The following PLEKHA6 variants were observed in gnomAD, a reference collection of about 807,000 sequenced individuals.
PLEKHA6 encodes the protein pleckstrin homology domain-containing family A member 6.
A neutral mutation model predicts 116.7 loss-of-function variants in PLEKHA6; 60 were observed. The observed-to-expected ratio is 0.51, with a 90% CI of 0.42 to 0.64. The LOEUF is 0.64. Ranked by LOEUF, PLEKHA6 falls within the 30% of genes least tolerant of loss-of-function variation. The pLI is 0.00. For missense variants in PLEKHA6, 1,338 were observed against 1,422.7 expected, an observed-to-expected ratio of 0.94 and a Z score of 0.96; for synonymous variants, 489 against 556.1, an observed-to-expected ratio of 0.88 and a Z score of 1.70.
intron 1 of PLEKHA6, among the ~76,000 whole-genome samples, chr1:204,300,996 A>T (rs4529785): frequency 0.41 from 62,574 of 152,122 alleles, 13,763 homozygotes; most frequent in East Asian, 0.73. Flanking sequence ...TGAACTGGCA[A>T]GAGACTCTTT....
chr1:204,265,276 G>A lies in PLEKHA6; in HGVS notation c.281-234C>T, dbSNP rs550524702. ...CTGTTCCAGACACTGGGACTACAGA[G>A]GTGAGTAAGAGAGAAGTAGTGCCTA... On this transcript the variant is annotated intron_variant, in intron 5 of 22. Coordinates refer to ENST00000272203, the MANE Select transcript of PLEKHA6 (RefSeq NM_014935.5). Among the ~76,000 whole-genome samples, 9 of 152,330 alleles carry A rather than the reference G, an allele frequency of 5.9e-5. No homozygotes were observed. The South Asian group carries it at 1.9e-3, about 32-fold the overall frequency.
rs1659516830 is a variant in PLEKHA6, at chr1:204,220,322, G to A, written c.*2466C>T. 1 of 152,262 alleles carries A rather than the reference G, an allele frequency of 6.6e-6. No individual in the cohort carries two copies. Among genetic ancestry groups the A allele is most frequent in the Non-Finnish European group, 1.5e-5 (1 of 68,044 alleles). The allele number at this position is 152,262 out of a possible 1,614,324, so 9.4% of individuals were successfully genotyped here. A position where few individuals can be genotyped will look rare whatever the true frequency, so the allele number is the denominator to read the frequency against. On this transcript the variant is annotated 3_prime_UTR_variant, in exon 23 of 23. Transcript: ENST00000272203. ...CAGAGGGTCATCAGGAGCAGACAGTGTAATAAAATCCTTAGGCCAGGACTT... is the reference window on the plus strand; with the variant it reads ...CAGAGGGTCATCAGGAGCAGACAGTATAATAAAATCCTTAGGCCAGGACTT...
chr1:204,343,523 C>T (rs1672919271), intron 1 of PLEKHA6, among the ~76,000 whole-genome samples: 1 of 152,128 alleles, frequency 6.6e-6, no homozygotes, highest in Non-Finnish European at 1.5e-5. Context: ...CCTGTATCTT[C>T]CCCACTGGGT....
chr1:204,287,854 G>A (rs940206238), intron 1 of PLEKHA6, among the ~76,000 whole-genome samples: 56 of 152,324 alleles, frequency 3.7e-4, no homozygotes, highest in African/African-American at 1.3e-3. Context: ...CCATTGTCTT[G>A]ACATCAGGAC....
At chr1:204,270,673 C>T (rs4951341) in intron 3 of PLEKHA6, among the ~76,000 whole-genome samples, 99,651 of 152,154 alleles carry the variant, frequency 0.65, 33,073 homozygotes, top group East Asian at 0.82. Flanking sequence ...TCATCACTTC[C>T]TGCTGTCCGC....
chr1:204,353,705 C>A (rs1023462286), intron 1 of PLEKHA6, among the ~76,000 whole-genome samples: 1 of 152,108 alleles, frequency 6.6e-6, no homozygotes, highest in African/African-American at 2.4e-5. Flanking sequence ...ACTATTATTC[C>A]CATTTTAGAG....
At chr1:204,346,587 G>A (rs1558194351) in intron 1 of PLEKHA6, among the ~76,000 whole-genome samples, 2 of 152,062 alleles carry the variant, frequency 1.3e-5, no homozygotes, top group South Asian at 2.1e-4. Flanking sequence ...AAGATGGCTC[G>A]GCAGGAAACA....
chr1:204,239,687 G>A (rs12031558), intron 17 of PLEKHA6, among the ~76,000 whole-genome samples: 23,652 of 152,154 alleles, frequency 0.16, 2,303 homozygotes, highest in East Asian at 0.29. Context: ...TTGATAAAAC[G>A]GTGGAATGGC....
chr1:204,271,701 G>A (rs796469369), intron 3 of PLEKHA6, among the ~76,000 whole-genome samples: 16 of 152,278 alleles, frequency 1.1e-4, no homozygotes, highest in African/African-American at 3.6e-4. Context: ...GGCAAACTGA[G>A]GCTAATCCAG....
intron 2 of PLEKHA6, among the ~76,000 whole-genome samples, chr1:204,371,224 G>A (rs960885229): frequency 2.0e-5 from 3 of 152,198 alleles, no homozygotes; most frequent in Admixed American, 6.5e-5. Context: ...GCTTCTGCCA[G>A]TTCAAGAGCC....
intron 1 of PLEKHA6, chr1:204,307,278 T>C (rs967586323): frequency 1.3e-5 from 2 of 152,212 alleles, no homozygotes; most frequent in Non-Finnish European, 2.9e-5. Context: ...TCCTCTCCAC[T>C]GAAAGTTTGG....
At chr1:204,363,263 C>T (rs1465675706), upstream of PLEKHA6, among the ~76,000 whole-genome samples, 1 of 152,228 alleles carries the variant, frequency 6.6e-6, no homozygotes, top group Non-Finnish European at 1.5e-5. Flanking sequence ...AGCCTGGAAG[C>T]ACGCGGGGCA....
Position 204,228,165 on chromosome 1 carries a change from G to T in PLEKHA6, c.2949C>A (p.Ser983Arg). 1 of 1,613,284 alleles carries T rather than the reference G, an allele frequency of 6.2e-7. No homozygotes were observed. The highest frequency in any genetic ancestry group is 8.5e-7 in the Non-Finnish European group (1 of 1,179,460). Residue 983 changes from serine (S) to arginine (R), a missense_variant, in exon 21 of 23, where the codon AGC becomes AGA. This residue lies in a region of PLEKHA6 where 1,136 missense variants were observed against 1,163.6 expected (regional missense o/e 0.98). Coordinates refer to ENST00000272203, the MANE Select transcript of PLEKHA6 (RefSeq NM_014935.5). This position sits in a 1 kb window ranked among gnomAD's most constrained non-coding sequence, Gnocchi z 4.0. The stretch of plus-strand genomic sequence containing the variant: ...TCCGCTTCTCCTGCTCCTGCAGCTG[G>T]CTCTCTGAGTCCTGGGGCACGTCCA... ...DSVDVPQDSESQLQEQEKRIE... is the reference protein window; with the variant it reads ...DSVDVPQDSERQLQEQEKRIE...
chr1:204,228,245 A>G lies in PLEKHA6; in HGVS notation c.2886-17T>C. 2.5e-6 allele frequency: 4 copies of G among 1,578,758 alleles called. No individual in the cohort carries two copies. In the South Asian group the frequency reaches 3.5e-5, roughly 14 times the overall value. On this transcript the variant is annotated splice_polypyrimidine_tract_variant and intron_variant, in intron 20 of 22. Coordinates refer to ENST00000272203, the MANE Select transcript of PLEKHA6 (RefSeq NM_014935.5). This position sits in a 1 kb window ranked among gnomAD's most constrained non-coding sequence, Gnocchi z 4.0. ...TTCTGCATACTGAAGAGGCACAGAC[A>G]CACAGAAATGGAGGGAGGGACAGGA...
At chr1:204,343,103 T>A (rs1672904822) in intron 1 of PLEKHA6, among the ~76,000 whole-genome samples, 1 of 152,182 alleles carries the variant, frequency 6.6e-6, no homozygotes, top group Non-Finnish European at 1.5e-5. Context: ...GCCTGACAGC[T>A]GTCCGTGGGA....
intron 1 of PLEKHA6, among the ~76,000 whole-genome samples, chr1:204,351,548 T>C (rs1413626787): frequency 6.6e-6 from 1 of 152,218 alleles, no homozygotes; most frequent in East Asian, 1.9e-4. Flanking sequence ...CTGTGAAATA[T>C]GGTGGTAAAA....
At chr1:204,353,494 A>G (rs2103370934) in intron 1 of PLEKHA6, among the ~76,000 whole-genome samples, 1 of 152,336 alleles carries the variant, frequency 6.6e-6, no homozygotes, top group South Asian at 2.1e-4. Context: ...CAATGGAGTC[A>G]GGAATTACTG....
chr1:204,298,469 C>T (rs935237208), intron 1 of PLEKHA6, among the ~76,000 whole-genome samples: 5 of 152,110 alleles, frequency 3.3e-5, no homozygotes, highest in Non-Finnish European at 5.9e-5. Context: ...GTCCAGGTTC[C>T]GGGTCTTTTC....
intron 12 of PLEKHA6, among the ~76,000 whole-genome samples, chr1:204,248,058 C>T (rs986725573): frequency 6.6e-6 from 1 of 151,710 alleles, no homozygotes; most frequent in African/African-American, 2.4e-5. Context: ...CACACTTTCA[C>T]GGGGCTTTTT....
Sources: gnomAD v4.1 joint callset for allele counts (sites outside exome capture counted in the v4.1 genomes callset) on GRCh38, gnomAD v4.1.1 for gene constraint, gnomAD v4.1.1 regional missense constraint, Gnocchi (gnomAD v3.1) non-coding constraint, MANE v1.5 for transcripts, NCBI Gene and HGNC (gene_info 2026-07-23, HGNC 2026-07-21) for gene names.